The following FER variants were observed in gnomAD, a reference collection of about 807,000 sequenced individuals.
FER encodes tyrosine-protein kinase Fer.
FER carries 63 observed loss-of-function variants against 111.0 expected under a neutral mutation model. The ratio of observed to expected loss-of-function variants is 0.57; its 90% CI spans 0.46 to 0.70. The LOEUF (loss-of-function observed/expected upper bound fraction) is 0.70. Among genes scored for constraint, FER ranks in the 30% least tolerant of loss-of-function variants. The pLI, the probability that FER is intolerant of heterozygous loss-of-function variation, is 0.00. For synonymous variants in FER, 327 were observed against 313.9 expected (o/e 1.04, Z -0.44); for missense variants, 914 against 954.0 (o/e 0.96, Z 0.55).
intron 6 of FER, among the ~76,000 whole-genome samples, chr5:108,870,165 T>G (rs1293110208): frequency 6.6e-6 from 1 of 152,116 alleles, no homozygotes; most frequent in African/African-American, 2.4e-5. Context: ...CTGTACTTTG[T>G]GTAATACATT....
chr5:108,789,626 TA>T (rs1561421774), intron 2 of FER, among the ~76,000 whole-genome samples: 1 of 151,752 alleles, frequency 6.6e-6, no homozygotes, highest in African/African-American at 2.4e-5. Context: ...TTTTTTTTTT[TA>T]AAAGACAGTG....
chr5:108,954,751 G>T lies in FER; in HGVS notation c.1352G>T (p.Ser451Ile). ...AAGCTTTCTGATATGATCTCCATCA[G>T]TGAGAAGCCTTTGGCAGAACAGGAC... ...SSALSDMISI[S>I]EKPLAEQDWY... is the part of the protein sequence containing the mutation. The change falls in exon 12 of 20, where the codon AGT becomes ATT. Residue 451 changes from serine to isoleucine, a missense_variant. By Grantham distance (142) the Ser-to-Ile change is moderately radical. Around this residue, in one of 3 missense-constraint regions of FER, gnomAD observed 774 missense variants for 782.6 expected, o/e 0.99. Coordinates refer to ENST00000281092, the MANE Select transcript of FER (RefSeq NM_005246.4). The T allele has an allele frequency of 6.2e-7, 1 of 1,602,400 alleles. No individual in the cohort carries two copies. Among genetic ancestry groups the T allele is most frequent in the Non-Finnish European group, 8.5e-7 (1 of 1,173,932 alleles).
At chr5:109,096,514 T>G (rs1293456342) in intron 16 of FER, among the ~76,000 whole-genome samples, 1 of 151,994 alleles carries the variant, frequency 6.6e-6, no homozygotes, top group African/African-American at 2.4e-5. Context: ...TGAATGCATC[T>G]TAGGATGCTT....
chr5:108,996,338 T>C (rs1763974308), intron 13 of FER, among the ~76,000 whole-genome samples: 1 of 152,250 alleles, frequency 6.6e-6, no homozygotes. Context: ...TCTTTGCCCA[T>C]GCCCATGTCC....
chr5:109,143,698 TTTTTG>T (rs140515513), intron 17 of FER, among the ~76,000 whole-genome samples: 17 of 87,774 alleles, frequency 1.9e-4, no homozygotes, highest in South Asian at 6.9e-4. Flanking sequence ...TCCACCAATC[TTTTTG>T]TTTTGTTTTG....
At position 108,778,047 on chromosome 5, in the gene FER, G is replaced by A. The variant is rs1182205; in HGVS notation, c.-60+9809G>A. Among the ~76,000 whole-genome samples the A allele has an allele frequency of 1.2e-3, 176 of 152,260 alleles. 6 individuals carry two copies. In the East Asian group the frequency reaches 0.028, roughly 24 times the overall value. On this transcript the variant is annotated intron_variant, in intron 2 of 19. Transcript: ENST00000281092. ...TTCAGAATGTCATATAGGTATAATT[G>A]TGTCATATATAGCCTTTTCTGATAG...
chr5:108,891,049 A>G (rs1747962643), intron 9 of FER, among the ~76,000 whole-genome samples: 2 of 151,984 alleles, frequency 1.3e-5, no homozygotes, highest in Admixed American at 6.6e-5. Context: ...CTTTTTCACT[A>G]TGCTATATTT....
intron 13 of FER, among the ~76,000 whole-genome samples, chr5:109,000,587 A>G (rs1465259912): frequency 1.3e-5 from 2 of 152,134 alleles, no homozygotes; most frequent in African/African-American, 4.8e-5. Flanking sequence ...CATCACAATT[A>G]AAAGAACTAG....
chr5:108,901,852 G>A (rs1000600371), intron 10 of FER, among the ~76,000 whole-genome samples: 10 of 152,170 alleles, frequency 6.6e-5, no homozygotes, highest in Non-Finnish European at 1.3e-4. Context: ...TCAGGAGTTT[G>A]AGGTAAAAGG....
rs1474326175 is a variant in FER, at chr5:109,191,876, C to T, written c.*4301C>T. 3 of 151,882 alleles carry T rather than the reference C, an allele frequency of 2.0e-5. No homozygotes were observed. The highest frequency in any genetic ancestry group is 6.6e-5 in the Admixed American group (1 of 15,216). The allele number at this position is 151,882 out of a possible 1,614,324, so 9.4% of individuals were successfully genotyped here. On this transcript the variant is annotated 3_prime_UTR_variant, in exon 20 of 20. Coordinates refer to ENST00000281092, the MANE Select transcript of FER (RefSeq NM_005246.4). ...TCAGGATTTCATGTACCAAGAATGACCTACTTGAAGGAGATTTTGCTACAC... is the reference window on the plus strand; with the variant it reads ...TCAGGATTTCATGTACCAAGAATGATCTACTTGAAGGAGATTTTGCTACAC...
At position 109,196,545 on chromosome 5, in the gene FER, A is replaced by G. The variant is rs968838508; in HGVS notation, c.*8970A>G. On this transcript the variant is annotated 3_prime_UTR_variant, in exon 20 of 20. Transcript: ENST00000281092. ...TATAAACAAGTCTGAAAAATGGATGAAAGCTAAATATATAAAGCAGTTGGT... is the reference window on the plus strand; with the variant it reads ...TATAAACAAGTCTGAAAAATGGATGGAAGCTAAATATATAAAGCAGTTGGT... 3.9e-5 allele frequency: 6 copies of G among 152,236 alleles called. No homozygotes were observed. The highest frequency in any genetic ancestry group is 8.8e-5 in the Non-Finnish European group (6 of 68,042). 9.4% of individuals were successfully genotyped at this position (152,236 alleles called of 1,614,324 possible). A position where few individuals can be genotyped will look rare whatever the true frequency, so the allele number is the denominator to read the frequency against.
intron 13 of FER, among the ~76,000 whole-genome samples, chr5:109,019,474 C>T (rs1252280706): frequency 6.6e-6 from 1 of 151,664 alleles, no homozygotes; most frequent in Non-Finnish European, 1.5e-5. Context: ...GTATGATTAC[C>T]AAACCAGTAT....
At chr5:108,758,283 G>A (rs56264243) in intron 1 of FER, among the ~76,000 whole-genome samples, 3,495 of 152,272 alleles carry the variant, frequency 0.023, 133 homozygotes, top group African/African-American at 0.08. Context: ...GGAGTGTGGT[G>A]TGGGGAAAAG....
chr5:109,022,489 G>C (rs532758166), intron 13 of FER, among the ~76,000 whole-genome samples: 1 of 152,186 alleles, frequency 6.6e-6, no homozygotes, highest in Admixed American at 6.6e-5. Context: ...TGACTTTCCA[G>C]GTTATTAGGG....
intron 17 of FER, among the ~76,000 whole-genome samples, chr5:109,172,116 C>T (rs560574950): frequency 0.01 from 1,590 of 152,162 alleles, 20 homozygotes; most frequent in African/African-American, 0.036. Context: ...CCATTTGACC[C>T]AGCCATCCCA....
intron 13 of FER, among the ~76,000 whole-genome samples, chr5:108,966,811 C>A (rs759246274): frequency 2.0e-5 from 3 of 152,008 alleles, no homozygotes; most frequent in Admixed American, 6.6e-5. Context: ...ATGTATAATT[C>A]TCCCCTCCCC....
intron 6 of FER, 49 bp downstream of exon 6, chr5:108,867,999 C>T: frequency 1.9e-6 from 3 of 1,541,692 alleles, no homozygotes; most frequent in South Asian, 1.2e-5. Context: ...AAAATGATTT[C>T]AACATATTTT....
intron 10 of FER, among the ~76,000 whole-genome samples, chr5:108,922,888 T>C (rs67145801): frequency 0.2 from 30,103 of 152,086 alleles, 3,390 homozygotes; most frequent in African/African-American, 0.31. Context: ...AATAGAGCAG[T>C]GACTTAATCT....
intron 16 of FER, among the ~76,000 whole-genome samples, chr5:109,084,508 A>C (rs1037992123): frequency 2.7e-4 from 13 of 48,804 alleles, no homozygotes; most frequent in African/African-American, 2.0e-3. Context: ...AATTAAAAAT[A>C]AAAAAAAATT....
Sources: gnomAD v4.1 joint callset for allele counts (sites outside exome capture counted in the v4.1 genomes callset) on GRCh38, gnomAD v4.1.1 for gene constraint, gnomAD v4.1.1 regional missense constraint, MANE v1.5 for transcripts, NCBI Gene and HGNC (gene_info 2026-07-23, HGNC 2026-07-21) for gene names.